NRDC: variants seen among roughly 807,000 people sequenced by gnomAD.
The protein encoded by NRDC is nardilysin.
In NRDC, 54 loss-of-function variants were observed where a neutral mutation model predicts 147.1. The ratio of observed to expected loss-of-function variants is 0.37; its 90% CI spans 0.29 to 0.46. NRDC has a LOEUF of 0.46. NRDC is among the 20% of genes least tolerant of loss of function. NRDC has a pLI of 1.00. For missense variants in NRDC, 1,082 were observed against 1,370.6 expected, an observed-to-expected ratio of 0.79 and a Z score of 3.33; for synonymous variants, 440 against 482.1, an observed-to-expected ratio of 0.91 and a Z score of 1.14.
intron 11 of NRDC, among the ~76,000 whole-genome samples, chr1:51,815,182 C>CT (rs869244434): frequency 0.075 from 9,446 of 125,370 alleles, 403 homozygotes; most frequent in South Asian, 0.2. Flanking sequence ...ACCTTTTTTT[C>CT]TTTTTTTTTT....
At chr1:51,821,591 G>A in intron 7 of NRDC, 36 bp from the exon 8 acceptor site, 1 of 1,342,886 alleles carries the variant, frequency 7.4e-7, no homozygotes. Flanking sequence ...ACAGGAAAAT[G>A]CAATGACATT....
rs530621138 is a variant in NRDC, at chr1:51,854,030, G to A, written c.342-13516C>T. Among the ~76,000 whole-genome samples, 3 of 152,276 alleles carry A rather than the reference G, an allele frequency of 2.0e-5. No homozygotes were observed. The East Asian group carries it at 5.8e-4, about 29-fold the overall frequency. ...CAAATAATGACAGTTCAGCACCATG[G>A]TGCCATGCCTGGGACTCATGGATAC... is the stretch of plus-strand genomic sequence containing the variant. On this transcript the variant is annotated intron_variant, in intron 1 of 30. Coordinates refer to ENST00000352171, the MANE Select transcript of NRDC (RefSeq NM_001101662.2).
chr1:51,833,149 A>G (rs1206567117), intron 4 of NRDC, among the ~76,000 whole-genome samples: 1 of 152,084 alleles, frequency 6.6e-6, no homozygotes, highest in Non-Finnish European at 1.5e-5. Flanking sequence ...CTGTTTCTCC[A>G]TATTTTCTAC....
intron 1 of NRDC, among the ~76,000 whole-genome samples, chr1:51,852,142 G>A (rs903421079): frequency 3.9e-5 from 6 of 152,096 alleles, no homozygotes; most frequent in Non-Finnish European, 7.3e-5. Flanking sequence ...TATGGCTGAC[G>A]AAATTTTCCT....
At chr1:51,873,477 ATTT>A (rs1272905286) in intron 1 of NRDC, among the ~76,000 whole-genome samples, 2 of 125,870 alleles carry the variant, frequency 1.6e-5, no homozygotes, top group Non-Finnish European at 1.7e-5. Flanking sequence ...AATATATGGA[ATTT>A]TTATTTATTT....
At chr1:51,859,032 TA>T (rs948781181) in intron 1 of NRDC, among the ~76,000 whole-genome samples, 24 of 152,348 alleles carry the variant, frequency 1.6e-4, no homozygotes, top group African/African-American at 5.5e-4. Flanking sequence ...TATGTACGCC[TA>T]AAGTCTTAGG....
At chr1:51,831,551 T>A (rs1680708892) in intron 4 of NRDC, among the ~76,000 whole-genome samples, 1 of 152,106 alleles carries the variant, frequency 6.6e-6, no homozygotes, top group East Asian at 1.9e-4. Flanking sequence ...ATCTCAGGCA[T>A]CATTTGCATT....
chr1:51,810,784 C>T (rs947277547), intron 15 of NRDC, among the ~76,000 whole-genome samples: 2 of 152,120 alleles, frequency 1.3e-5, no homozygotes, highest in South Asian at 2.1e-4. Flanking sequence ...TACTTATTTA[C>T]ACAAAATAAC....
intron 1 of NRDC, among the ~76,000 whole-genome samples, chr1:51,841,088 C>A (rs1190004674): frequency 6.6e-6 from 1 of 152,180 alleles, no homozygotes; most frequent in Non-Finnish European, 1.5e-5. Flanking sequence ...AGACTGGTAG[C>A]CCCGCAGGAA....
chr1:51,799,345 C>A (rs947006037), intron 21 of NRDC, among the ~76,000 whole-genome samples: 1 of 151,642 alleles, frequency 6.6e-6, no homozygotes, highest in Non-Finnish European at 1.5e-5. Flanking sequence ...ATCCCTCCCC[C>A]AGCACCCCCA....
At chr1:51,790,273 G>C (rs1353122408) in intron 29 of NRDC, among the ~76,000 whole-genome samples, 1 of 152,196 alleles carries the variant, frequency 6.6e-6, no homozygotes, top group African/African-American at 2.4e-5. Flanking sequence ...AAATCTTGTA[G>C]ACCTCAATAT....
chr1:51,850,596 T>C (rs1028956336), intron 1 of NRDC, among the ~76,000 whole-genome samples: 1 of 152,194 alleles, frequency 6.6e-6, no homozygotes, highest in Non-Finnish European at 1.5e-5. Flanking sequence ...AACTTTAAAA[T>C]AGCCAAGGAA....
intron 1 of NRDC, among the ~76,000 whole-genome samples, chr1:51,865,106 C>T (rs1682742150): frequency 6.6e-6 from 1 of 151,904 alleles, no homozygotes; most frequent in Admixed American, 6.6e-5. Flanking sequence ...TTAGAGAATA[C>T]ATTTGCAACT....
chr1:51,837,663 T>A, intron 2 of NRDC: 1 of 1,447,124 alleles, frequency 6.9e-7, no homozygotes, highest in Non-Finnish European at 9.3e-7. Context: ...ACCTAAAAAA[T>A]TCAGACCTGA....
intron 1 of NRDC, among the ~76,000 whole-genome samples, chr1:51,847,297 A>G (rs1681688539): frequency 6.6e-6 from 1 of 152,228 alleles, no homozygotes; most frequent in South Asian, 2.1e-4. Context: ...CACTAGACTC[A>G]GGATCCCAGC....
chr1:51,836,690 G>A (rs2149219953), intron 2 of NRDC, among the ~76,000 whole-genome samples: 1 of 152,146 alleles, frequency 6.6e-6, no homozygotes, highest in African/African-American at 2.4e-5. Flanking sequence ...AGAAAATTTT[G>A]TTAAGATAGA....
chr1:51,797,671 T>C (rs1678993400), intron 22 of NRDC, among the ~76,000 whole-genome samples: 1 of 152,178 alleles, frequency 6.6e-6, no homozygotes, highest in African/African-American at 2.4e-5. Flanking sequence ...GGTTTCCACA[T>C]ACAATCTTCA....
chr1:51,851,558 AT>A lies in NRDC; in HGVS notation c.342-11045del, dbSNP rs200550966. Among the ~76,000 whole-genome samples, 439 of 150,526 alleles carry A rather than the reference AT, an allele frequency of 2.9e-3. 1 individual carries two copies. Among genetic ancestry groups the A allele is most frequent in the African/African-American group, 9.0e-3 (371 of 41,110 alleles). ...ATTTGGGCCCAAGGAAAAAAAAAAA[AT>A]GATTTTTTTTTAATTGCAGTAGTGC... On this transcript the variant is annotated intron_variant, in intron 1 of 30. Transcript: ENST00000352171.
At chr1:51,853,464 C>G (rs1445091102) in intron 1 of NRDC, among the ~76,000 whole-genome samples, 2 of 152,204 alleles carry the variant, frequency 1.3e-5, no homozygotes, top group African/African-American at 4.8e-5. Context: ...AACAAGTCCA[C>G]ATACTCACTT....
Sources: allele counts gnomAD v4.1 joint callset (sites outside exome capture counted in the v4.1 genomes callset), GRCh38; gene constraint gnomAD v4.1.1; transcripts MANE v1.5; gene names NCBI Gene and HGNC (gene_info 2026-07-23, HGNC 2026-07-21).